Variants in B3GALT5 observed in about 807,000 individuals in gnomAD.
B3GALT5 encodes beta-1,3-galactosyltransferase 5, also known as UDP-Gal:betaGlcNAc beta 1,3-galactosyltransferase, polypeptide 5.
For synonymous variants in B3GALT5, 156 were observed against 158.6 expected (o/e 0.98, Z 0.12); for missense variants, 328 against 396.6 (o/e 0.83, Z 1.47).
intron 2 of B3GALT5, among the ~76,000 whole-genome samples, chr21:39,650,725 A>G (rs1602290804): frequency 6.6e-6 from 1 of 152,244 alleles, no homozygotes; most frequent in South Asian, 2.1e-4. Flanking sequence ...TACTGGAGAG[A>G]TGATTCAAAC....
At chr21:39,651,156 A>G (rs2079392008) in intron 2 of B3GALT5, among the ~76,000 whole-genome samples, 2 of 152,184 alleles carry the variant, frequency 1.3e-5, no homozygotes, top group Non-Finnish European at 2.9e-5. Flanking sequence ...CCAAAACATG[A>G]CATCCTTATT....
chr21:39,629,230 G>A (rs978370423), intron 1 of B3GALT5, among the ~76,000 whole-genome samples: 1 of 152,136 alleles, frequency 6.6e-6, no homozygotes, highest in African/African-American at 2.4e-5. Context: ...GGCCAGGCTG[G>A]TCTCGAACTC....
chr21:39,626,946 C>T (rs761345750), intron 1 of B3GALT5, among the ~76,000 whole-genome samples: 2 of 152,186 alleles, frequency 1.3e-5, no homozygotes, highest in African/African-American at 2.4e-5. Flanking sequence ...TTACGTTCCT[C>T]GCTTGTCCTG....
chr21:39,638,784 G>A (rs780321812), intron 1 of B3GALT5, among the ~76,000 whole-genome samples: 9 of 152,156 alleles, frequency 5.9e-5, no homozygotes, highest in South Asian at 2.1e-4. Context: ...CAGCCTGCCC[G>A]TCTTTATGCT....
At chr21:39,624,509 T>C (rs602006) in intron 1 of B3GALT5, among the ~76,000 whole-genome samples, 51,787 of 152,044 alleles carry the variant, frequency 0.34, 10,031 homozygotes, top group African/African-American at 0.54. Flanking sequence ...GAGTCTGGCA[T>C]AATTCCCAGG....
chr21:39,639,391 C>CTTCCTTCCTTCCTTCT (rs1569212311), intron 1 of B3GALT5, among the ~76,000 whole-genome samples: 2 of 81,722 alleles, frequency 2.4e-5, no homozygotes, highest in African/African-American at 9.2e-5. Flanking sequence ...TCCTTCCTTC[C>CTTCCTTCCTTCCTTCT]TTCTTTCTTT....
chr21:39,651,790 T>C (rs984396886), intron 2 of B3GALT5, among the ~76,000 whole-genome samples: 2 of 151,892 alleles, frequency 1.3e-5, no homozygotes, highest in Non-Finnish European at 2.9e-5. Context: ...TTTTATCAGA[T>C]CTAGAGCTGG....
At chr21:39,649,896 A>G (rs1427363778) in intron 2 of B3GALT5, among the ~76,000 whole-genome samples, 4 of 152,190 alleles carry the variant, frequency 2.6e-5, no homozygotes, top group Non-Finnish European at 5.9e-5. Flanking sequence ...AGAGACAGAC[A>G]TGGAAATGTA....
At chr21:39,660,364 C>T (rs1183763217) in intron 3 of B3GALT5, among the ~76,000 whole-genome samples, 196 bp from the exon 4 acceptor site, 1 of 152,196 alleles carries the variant, frequency 6.6e-6, no homozygotes, top group Non-Finnish European at 1.5e-5. Flanking sequence ...TTATCTTACA[C>T]CATGAAGTGA....
At chr21:39,652,786 CA>C (rs1277213113) in intron 2 of B3GALT5, among the ~76,000 whole-genome samples, 1 of 151,972 alleles carries the variant, frequency 6.6e-6, no homozygotes, top group African/African-American at 2.4e-5. Flanking sequence ...TCAGAGCTGA[CA>C]AAAAAAGCAA....
At chr21:39,640,863 C>T (rs2079284360) in intron 1 of B3GALT5, among the ~76,000 whole-genome samples, 2 of 152,114 alleles carry the variant, frequency 1.3e-5, no homozygotes, top group Non-Finnish European at 2.9e-5. Flanking sequence ...CCTCAGCCCC[C>T]TGAGTAGCTG....
chr21:39,635,300 T>A (rs143202005), intron 1 of B3GALT5, among the ~76,000 whole-genome samples: 140 of 152,250 alleles, frequency 9.2e-4, no homozygotes, highest in Non-Finnish European at 1.5e-3. Context: ...GAGGGCAAGA[T>A]GTGCCATGGA....
chr21:39,644,897 T>G (rs1014384207), intron 1 of B3GALT5, among the ~76,000 whole-genome samples: 3 of 152,140 alleles, frequency 2.0e-5, no homozygotes, highest in African/African-American at 7.2e-5. Context: ...CTGCACTGAC[T>G]GTCTTGGGGG....
chr21:39,625,701 C>G (rs948291595), intron 1 of B3GALT5, among the ~76,000 whole-genome samples: 1 of 152,218 alleles, frequency 6.6e-6, no homozygotes, highest in African/African-American at 2.4e-5. Flanking sequence ...CTCTCACCCC[C>G]GCAGGGGCGC....
chr21:39,645,962 C>T (rs886946544), intron 1 of B3GALT5, among the ~76,000 whole-genome samples: 1 of 150,878 alleles, frequency 6.6e-6, no homozygotes, highest in African/African-American at 2.4e-5. Context: ...CGCCCTCTGC[C>T]TCCCAGCACA....
At position 39,671,512 on chromosome 21, in the gene B3GALT5, T is replaced by C. The variant is rs1193557523; in HGVS notation, c.*10020T>C. ...TCAGGCACCCACAAGGCAACTCCCA[T>C]CACAAGAAAGAATGGTGGCCTGGGA... On this transcript the variant is annotated 3_prime_UTR_variant, in exon 4 of 4. Coordinates refer to ENST00000684187, the MANE Select transcript of B3GALT5 (RefSeq NM_001356336.2). 6.6e-6 allele frequency: 1 copy of C among 152,172 alleles called. No homozygotes were observed. The highest frequency in any genetic ancestry group is 1.9e-4 in the East Asian group (1 of 5,184). The allele number at this position is 152,172 out of a possible 1,614,324, so 9.4% of individuals were successfully genotyped here.
chr21:39,646,188 C>T (rs1054199099), intron 1 of B3GALT5, among the ~76,000 whole-genome samples: 6 of 152,266 alleles, frequency 3.9e-5, no homozygotes, highest in African/African-American at 1.4e-4. Context: ...CCCCGGACTA[C>T]TGCTTCTCAA....
chr21:39,656,067 C>T (rs996714386), intron 2 of B3GALT5, among the ~76,000 whole-genome samples: 21 of 152,216 alleles, frequency 1.4e-4, no homozygotes, highest in Admixed American at 3.9e-4. Flanking sequence ...GTAGAATGAC[C>T]GCATGTTAAA....
chr21:39,656,965 G>C (rs563836755), intron 2 of B3GALT5, among the ~76,000 whole-genome samples: 14 of 152,356 alleles, frequency 9.2e-5, no homozygotes. Context: ...AGGCACTATG[G>C]CCAGAAGGGG....
Sources: gnomAD v4.1 joint callset for allele counts (sites outside exome capture counted in the v4.1 genomes callset) on GRCh38, gnomAD v4.1.1 for gene constraint, MANE v1.5 for transcripts, NCBI Gene and HGNC (gene_info 2026-07-23, HGNC 2026-07-21) for gene names.